Variants in IMPDH1 observed in about 807,000 individuals in gnomAD.
IMPDH1 encodes inosine-5'-monophosphate dehydrogenase 1.
A neutral mutation model predicts 73.5 loss-of-function variants in IMPDH1; 41 were observed. The observed-to-expected ratio is 0.56, with a 90% CI of 0.43 to 0.72. The LOEUF (loss-of-function observed/expected upper bound fraction) is 0.72. Ranked by LOEUF, IMPDH1 falls within the 30% of genes least tolerant of loss-of-function variation. The pLI is 0.00. For missense variants in IMPDH1, 645 were observed against 824.8 expected (o/e 0.78, Z 2.67); for synonymous variants, 318 against 334.3 (o/e 0.95, Z 0.53).
chr7:128,393,578 G>C (rs1797685657), intron 16 of IMPDH1: 1 of 190,696 alleles, frequency 5.2e-6, no homozygotes, highest in Non-Finnish European at 1.1e-5. Context: ...GGCCGGGGGG[G>C]CCCAAACCCA....
At chr7:128,403,976 G>A (rs985396146) in intron 4 of IMPDH1, among the ~76,000 whole-genome samples, 7 of 152,238 alleles carry the variant, frequency 4.6e-5, no homozygotes, top group African/African-American at 1.7e-4. Flanking sequence ...GACAGCGAAA[G>A]GTCTACTGGG....
At position 128,394,813 on chromosome 7, in the gene IMPDH1, G is replaced by A; in HGVS notation, c.1550+76C>T. ...ACCATATGGGGACTGGCTGCCATCT[G>A]GGGAAGTCGGTGGCATGAGCGGGCC... On this transcript the variant is annotated intron_variant, in intron 14 of 16. Transcript: ENST00000338791. The surrounding 1 kb of genome is among the most constrained non-coding windows in gnomAD (Gnocchi z 5.5). 2.6e-6 allele frequency: 4 copies of A among 1,557,066 alleles called. No homozygotes were observed. The highest frequency in any genetic ancestry group is 4.6e-4 in the Middle Eastern group (2 of 4,364).
chr7:128,398,796 A>T lies in IMPDH1; in HGVS notation c.875-183T>A, dbSNP rs1051192903. 1.3e-5 allele frequency among the ~76,000 whole-genome samples: 2 copies of T among 152,158 alleles called. No individual in the cohort carries two copies. Among genetic ancestry groups the T allele is most frequent in the African/African-American group, 4.8e-5 (2 of 41,458 alleles). On this transcript the variant is annotated intron_variant, in intron 9 of 16. Transcript: ENST00000338791. The surrounding 1 kb of genome is among the most constrained non-coding windows in gnomAD (Gnocchi z 4.3). ...AGGGACCTAGCCCTCTTCCCAAGGA[A>T]CAGGGAGCAAAGAAATCTTTCAGCC...
intron 16 of IMPDH1, 105 bp from the exon 17 acceptor site, chr7:128,393,133 T>G (rs1229119627): frequency 1.6e-6 from 2 of 1,229,634 alleles, no homozygotes; most frequent in Non-Finnish European, 2.4e-6. Flanking sequence ...AACAGAGAGC[T>G]GAGAAGCCCT....
At chr7:128,409,643 AG>A in intron 1 of IMPDH1, 112 bp downstream of exon 1, 1 of 1,509,926 alleles carries the variant, frequency 6.6e-7, no homozygotes. Flanking sequence ...TAATAGGGGA[AG>A]GGTTTGTGGG....
intron 5 of IMPDH1, among the ~76,000 whole-genome samples, chr7:128,401,962 A>AAACC (rs780095997): frequency 3.0e-4 from 45 of 152,164 alleles, no homozygotes; most frequent in East Asian, 1.2e-3. Context: ...AAAGTCCCTG[A>AAACC]AACCCATCAC....
chr7:128,402,863 A>C (rs1798437283), intron 5 of IMPDH1, among the ~76,000 whole-genome samples: 1 of 152,190 alleles, frequency 6.6e-6, no homozygotes, highest in Non-Finnish European at 1.5e-5. Context: ...CCCTCTGGGA[A>C]AGCAAGGCAC....
chr7:128,404,661 G>C (rs1798582083), intron 4 of IMPDH1, among the ~76,000 whole-genome samples: 1 of 152,136 alleles, frequency 6.6e-6, no homozygotes, highest in African/African-American at 2.4e-5. Context: ...CTAAGGCCTA[G>C]AGAAACTCCT....
chr7:128,400,499 C>A lies in IMPDH1; in HGVS notation c.620G>T (p.Ser207Ile), dbSNP rs751976679. The change falls in exon 8 of 17, where the codon AGC (serine) becomes ATC (isoleucine). Residue 207 changes from serine (S) to isoleucine (I), a missense_variant. Around this residue, in one of 2 missense-constraint regions of IMPDH1, gnomAD observed 459 missense variants for 638.2 expected, o/e 0.72. Coordinates refer to ENST00000338791, the MANE Select transcript of IMPDH1 (RefSeq NM_000883.4). Reference sequence around the variant, plus strand: ...CACATCGCCCACAGTGTGCGAGGGGCTCAGCACCACAGGGTCCGTGATGAA... The same window carrying A: ...CACATCGCCCACAGTGTGCGAGGGGATCAGCACCACAGGGTCCGTGATGAA... ...QGFITDPVVL[S>I]PSHTVGDVLE... The A allele has an allele frequency of 6.2e-7, 1 of 1,612,802 alleles. No individual in the cohort carries two copies. Among genetic ancestry groups the A allele is most frequent in the Non-Finnish European group, 8.5e-7 (1 of 1,180,026 alleles).
Position 128,396,491 on chromosome 7 carries a change from G to A in IMPDH1, c.1261+109C>T. The A allele has an allele frequency of 1.1e-6, 1 of 920,032 alleles. No individual in the cohort carries two copies. Among genetic ancestry groups the A allele is most frequent in the South Asian group, 1.4e-5 (1 of 71,426 alleles). 57.0% of individuals were successfully genotyped at this position (920,032 alleles called of 1,614,324 possible). On this transcript the variant is annotated intron_variant, in intron 12 of 16. Transcript: ENST00000338791. The surrounding 1 kb of genome is among the most constrained non-coding windows in gnomAD (Gnocchi z 4.0). ...GGGCCCATGCCTGGGTCACCCCGGA[G>A]CCTACCATGGCAGAACAGGGCCTGG...
chr7:128,408,003 T>G (rs1371119505), intron 3 of IMPDH1, among the ~76,000 whole-genome samples: 1 of 151,782 alleles, frequency 6.6e-6, no homozygotes, highest in African/African-American at 2.4e-5. Context: ...AGGCTGTGCT[T>G]TTCCAGAGAC....
intron 4 of IMPDH1, 30 bp from the exon 5 acceptor site, chr7:128,403,784 GT>G: frequency 6.2e-7 from 1 of 1,604,984 alleles, no homozygotes; most frequent in Non-Finnish European, 8.5e-7. Flanking sequence ...AGTGTTATTA[GT>G]GGGGAGGGGT....
intron 16 of IMPDH1, chr7:128,393,797 A>G: frequency 3.8e-6 from 1 of 264,840 alleles, no homozygotes; most frequent in Non-Finnish European, 7.5e-6. Flanking sequence ...ACCTGGGGAC[A>G]GGGCTCCTGA....
intron 4 of IMPDH1, 89 bp downstream of exon 4, chr7:128,405,678 A>C: frequency 1.4e-6 from 2 of 1,459,246 alleles, no homozygotes; most frequent in Non-Finnish European, 1.8e-6. Flanking sequence ...CGGGCAGGGA[A>C]CGCCGGGGGA....
intron 16 of IMPDH1, chr7:128,393,815 G>A (rs1056797162): frequency 1.1e-4 from 32 of 290,328 alleles, no homozygotes; most frequent in South Asian, 3.4e-5. Flanking sequence ...TGACCAGGGT[G>A]GGGCACATGC....
intron 4 of IMPDH1, 125 bp from the exon 5 acceptor site, chr7:128,403,879 C>A: frequency 1.2e-6 from 1 of 816,688 alleles, no homozygotes; most frequent in Non-Finnish European, 2.1e-6. Context: ...CTACAGCCCC[C>A]CATCCCTACT....
chr7:128,396,265 T>G lies in IMPDH1; in HGVS notation c.1261+335A>C, dbSNP rs1584719847. On this transcript the variant is annotated intron_variant, in intron 12 of 16. Coordinates refer to ENST00000338791, the MANE Select transcript of IMPDH1 (RefSeq NM_000883.4). The surrounding 1 kb of genome is among the most constrained non-coding windows in gnomAD (Gnocchi z 4.0). ...ATATCTTTATATATTCAGGGACATG[T>G]CGTCTCTGTGTCTTAAATATCTGCC... is the stretch of plus-strand genomic sequence containing the variant. Among the ~76,000 whole-genome samples the G allele has an allele frequency of 6.6e-6, 1 of 152,300 alleles. No individual in the cohort carries two copies. The highest frequency in any genetic ancestry group is 1.9e-4 in the East Asian group (1 of 5,190).
At chr7:128,400,208 C>T in intron 8 of IMPDH1, 26 bp from the exon 9 acceptor site, 1 of 1,613,748 alleles carries the variant, frequency 6.2e-7, no homozygotes, top group Non-Finnish European at 8.5e-7. Flanking sequence ...CATTTGCCTG[C>T]AGGTTGGCAG....
rs141536048 is a variant in IMPDH1, at chr7:128,401,090, C to T, written c.429G>A (p.Lys143=). ...EVDLTSALTR[K]ITLKTPLISS... is the part of the protein sequence containing the mutation. Reference sequence around the variant, plus strand: ...AGATCAGTGGCGTCTTCAGCGTGATCTTCCGGGTCAGGGCTGAGGTCAGGT... The same window carrying T: ...AGATCAGTGGCGTCTTCAGCGTGATTTTCCGGGTCAGGGCTGAGGTCAGGT... The change falls in exon 6 of 17, where the codon AAG becomes AAA. Residue 143 remains lysine (K), a synonymous_variant. Transcript: ENST00000338791. 2.0e-5 allele frequency: 33 copies of T among 1,614,004 alleles called. No homozygotes were observed. Among genetic ancestry groups the T allele is most frequent in the Non-Finnish European group, 2.6e-5 (31 of 1,180,018 alleles).
Sources: gnomAD v4.1 joint callset for allele counts (sites outside exome capture counted in the v4.1 genomes callset) on GRCh38, gnomAD v4.1.1 for gene constraint, gnomAD v4.1.1 regional missense constraint, Gnocchi (gnomAD v3.1) non-coding constraint, MANE v1.5 for transcripts, NCBI Gene and HGNC (gene_info 2026-07-23, HGNC 2026-07-21) for gene names.